The following ANXA8 variants were observed in gnomAD, a reference collection of about 807,000 sequenced individuals.
The protein encoded by ANXA8 is VAC-beta.
Under a neutral mutation model 26.8 loss-of-function variants are expected in ANXA8, and 9 were observed. The observed-to-expected ratio is 0.34, with a 90% confidence interval of 0.20 to 0.59. The LOEUF (loss-of-function observed/expected upper bound fraction) is 0.59, where lower values mean the gene tolerates loss of function less well. Ranked by LOEUF, ANXA8 falls within the 20% of genes least tolerant of loss-of-function variation. The pLI is 0.84. For missense variants in ANXA8, 83 were observed against 238.5 expected (o/e 0.35, Z 4.29); for synonymous variants, 39 against 94.8 (o/e 0.41, Z 3.42).
chr10:47,759,150 CCA>C, the ANXA8 span, among the ~76,000 whole-genome samples: 2 of 126,870 alleles, frequency 1.6e-5, no homozygotes, highest in East Asian at 5.4e-4. Context: ...GCCGGCCAGC[CCA>C]GAGTGCAGCA....
At chr10:47,564,084 G>A in the ANXA8 span, among the ~76,000 whole-genome samples, 2 of 132,420 alleles carry the variant, frequency 1.5e-5, no homozygotes, top group South Asian at 2.8e-4. Context: ...GGACTGCACA[G>A]CCGAGCGGGC....
the ANXA8 span, chr10:47,565,434 T>C: frequency 2.2e-6 from 1 of 449,156 alleles, no homozygotes; most frequent in African/African-American, 2.2e-5. Context: ...AAGCCCTCCT[T>C]CTCTCTGGAC....
At chr10:47,613,236 A>G in the ANXA8 span, among the ~76,000 whole-genome samples, 1 of 149,878 alleles carries the variant, frequency 6.7e-6, no homozygotes, top group Non-Finnish European at 1.5e-5. Flanking sequence ...AGCATATAAT[A>G]CATGAAGCTT....
At chr10:47,658,646 C>A in the ANXA8 span, among the ~76,000 whole-genome samples, 1 of 136,626 alleles carries the variant, frequency 7.3e-6, no homozygotes, top group South Asian at 2.1e-4. Flanking sequence ...TTCTAATATT[C>A]TATTTGAAAT....
At chr10:47,660,764 C>A in the ANXA8 span, among the ~76,000 whole-genome samples, 6 of 128,530 alleles carry the variant, frequency 4.7e-5, no homozygotes, top group Non-Finnish European at 9.3e-5. Context: ...TTGCATTTGG[C>A]GTGGCTTTTT....
chr10:47,692,523 A>G, the ANXA8 span: 2 of 55,318 alleles, frequency 3.6e-5, no homozygotes, highest in Non-Finnish European at 7.5e-5. Flanking sequence ...TGGTATTTTT[A>G]ACATGCCCTT....
the ANXA8 span, among the ~76,000 whole-genome samples, chr10:47,663,849 T>C: frequency 1.3e-5 from 2 of 148,228 alleles, no homozygotes; most frequent in Non-Finnish European, 2.9e-5. Context: ...GTTTGGATGA[T>C]TGTGAATTAT....
the ANXA8 span, among the ~76,000 whole-genome samples, chr10:47,595,466 C>T: frequency 3.4e-5 from 5 of 148,968 alleles, no homozygotes; most frequent in South Asian, 4.2e-4. Context: ...CATACAGTGG[C>T]GAATTGGAAT....
chr10:47,772,359 A>G, the ANXA8 span, among the ~76,000 whole-genome samples: 2 of 152,372 alleles, frequency 1.3e-5, no homozygotes, highest in East Asian at 1.9e-4. Context: ...GGAATCTGAT[A>G]GGGAAAGTGT....
At chr10:47,873,590 ACTT>A in the ANXA8 span, among the ~76,000 whole-genome samples, 3 of 27,430 alleles carry the variant, frequency 1.1e-4, no homozygotes, top group Non-Finnish European at 2.4e-4. Flanking sequence ...TGGGGGACCC[ACTT>A]CTTCTTGAGA....
chr10:47,565,850 C>T, the ANXA8 span: 52 of 1,288,178 alleles, frequency 4.0e-5, no homozygotes, highest in African/African-American at 6.8e-4. Context: ...CCGGGACGCG[C>T]GGACCAGCTG....
the ANXA8 span, among the ~76,000 whole-genome samples, chr10:47,566,659 GA>G: frequency 7.0e-6 from 1 of 143,794 alleles, no homozygotes; most frequent in African/African-American, 2.6e-5. Context: ...AGGGCGTTGA[GA>G]GGGGCTGAGG....
chr10:47,695,327 G>A, the ANXA8 span, among the ~76,000 whole-genome samples: 3 of 151,026 alleles, frequency 2.0e-5, no homozygotes, highest in African/African-American at 7.3e-5. Context: ...AAAGGAATGT[G>A]TAATGTAAAA....
the ANXA8 span, among the ~76,000 whole-genome samples, chr10:47,591,434 ATTTTTTTT>A: frequency 6.6e-5 from 4 of 60,210 alleles, no homozygotes; most frequent in Non-Finnish European, 1.2e-4. Flanking sequence ...TTCTTTCTGA[ATTTTTTTT>A]TTTTTTTTTT....
chr10:47,597,055 A>G, the ANXA8 span, among the ~76,000 whole-genome samples: 1 of 149,238 alleles, frequency 6.7e-6, no homozygotes, highest in Non-Finnish European at 1.5e-5. Flanking sequence ...AAAAGATAAT[A>G]CAATATCAAG....
At chr10:47,645,932 T>C in the ANXA8 span, among the ~76,000 whole-genome samples, 1 of 149,066 alleles carries the variant, frequency 6.7e-6, no homozygotes, top group African/African-American at 2.6e-5. Context: ...TTGAACTATA[T>C]CACTAACTTT....
the ANXA8 span, among the ~76,000 whole-genome samples, chr10:47,519,049 T>A: frequency 7.4e-6 from 1 of 135,298 alleles, no homozygotes; most frequent in Non-Finnish European, 1.5e-5. Context: ...CATGTTAACA[T>A]GTGACCCTTA....
In ANXA8 at chr10:47,475,060, G is replaced by A; in HGVS notation, c.493-56C>T. On this transcript the variant is annotated intron_variant, in intron 6 of 11. Transcript: ENST00000585281. Reference sequence around the variant, plus strand: ...AGGCCAGCTGACCAGAGCATTAAGGGCACAGGGGGGATCCTGGGCTTGGAG... The same window carrying A: ...AGGCCAGCTGACCAGAGCATTAAGGACACAGGGGGGATCCTGGGCTTGGAG... 5 of 1,525,162 alleles carry A rather than the reference G, an allele frequency of 3.3e-6. No homozygotes were observed. In the South Asian group the frequency reaches 5.8e-5, roughly 18 times the overall value. 94.5% of individuals were successfully genotyped at this position (1,525,162 alleles called of 1,614,324 possible).
chr10:47,754,963 CTTTTTTT>C, the ANXA8 span, among the ~76,000 whole-genome samples: 1 of 74,990 alleles, frequency 1.3e-5, no homozygotes, highest in African/African-American at 5.1e-5. Flanking sequence ...CTTTTCTTTT[CTTTTTTT>C]TTTTTTTGAC....
Sources: gnomAD v4.1 joint callset for allele counts (sites outside exome capture counted in the v4.1 genomes callset) on GRCh38, gnomAD v4.1.1 for gene constraint, MANE v1.5 for transcripts, NCBI Gene and HGNC (gene_info 2026-07-23, HGNC 2026-07-21) for gene names.